The following TMEM120B variants were observed in gnomAD, a reference collection of about 807,000 sequenced individuals.
TMEM120B encodes transmembrane protein 120B.
Under a neutral mutation model 55.5 loss-of-function variants are expected in TMEM120B, and 31 were observed. The ratio of observed to expected loss-of-function variants is 0.56; its 90% CI spans 0.42 to 0.75. The LOEUF (loss-of-function observed/expected upper bound fraction) is 0.75, where lower values mean the gene tolerates loss of function less well. TMEM120B is among the 30% of genes least tolerant of loss of function. The pLI, the probability that TMEM120B is intolerant of heterozygous loss-of-function variation, is 0.00. For synonymous variants in TMEM120B, 203 were observed against 176.3 expected (o/e 1.15, Z -1.20); for missense variants, 399 against 425.5 (o/e 0.94, Z 0.55).
chr12:121,713,839 G>T (rs1894645724), intron 1 of TMEM120B, among the ~76,000 whole-genome samples: 1 of 152,192 alleles, frequency 6.6e-6, no homozygotes, highest in Non-Finnish European at 1.5e-5. Flanking sequence ...TCCCTCTCCA[G>T]TCACGGGATT....
intron 4 of TMEM120B, among the ~76,000 whole-genome samples, chr12:121,750,965 CA>C (rs1873291275): frequency 3.3e-5 from 3 of 90,312 alleles, no homozygotes; most frequent in Admixed American, 1.1e-4. Flanking sequence ...ACACCCACAC[CA>C]CACACCCCAC....
chr12:121,748,590 C>A, intron 3 of TMEM120B, 148 bp downstream of exon 3: 2 of 564,534 alleles, frequency 3.5e-6, no homozygotes, highest in Non-Finnish European at 3.1e-6. Context: ...GCCTTCCTTA[C>A]ACATTCCTCC....
chr12:121,728,522 G>C (rs1894940294), intron 1 of TMEM120B, among the ~76,000 whole-genome samples: 1 of 150,930 alleles, frequency 6.6e-6, no homozygotes, highest in Non-Finnish European at 1.5e-5. Context: ...GTTTCACCAT[G>C]TTGGCCAGGC....
At position 121,775,214 on chromosome 12, in the gene TMEM120B, G is replaced by T; in HGVS notation, c.906+84G>T. On this transcript the variant is annotated intron_variant, in intron 11 of 11. Transcript: ENST00000449592. This position sits in a 1 kb window ranked among gnomAD's most constrained non-coding sequence, Gnocchi z 4.3. ...TGGGGTGTATGTGTGGCATGCTGGG[G>T]TGCGGATTCCTGGGGAGGGCTGGGA... is the stretch of plus-strand genomic sequence containing the variant. The T allele has an allele frequency of 1.5e-6, 2 of 1,352,504 alleles. No homozygotes were observed. The highest frequency in any genetic ancestry group is 2.0e-6 in the Non-Finnish European group (2 of 985,732). 83.8% of individuals were successfully genotyped at this position (1,352,504 alleles called of 1,614,324 possible).
At chr12:121,730,958 CAA>C (rs879265342) in intron 1 of TMEM120B, among the ~76,000 whole-genome samples, 1 of 133,392 alleles carries the variant, frequency 7.5e-6, no homozygotes. Flanking sequence ...AACTCTGTCT[CAA>C]AAAAAAAAAA....
At chr12:121,738,274 C>T (rs1016972145) in intron 1 of TMEM120B, among the ~76,000 whole-genome samples, 1 of 151,920 alleles carries the variant, frequency 6.6e-6, no homozygotes, top group African/African-American at 2.4e-5. Flanking sequence ...AAAAGCAGAC[C>T]TCAGCCATAG....
rs368348359 is a variant in TMEM120B, at chr12:121,771,552, G to A, written c.679+3G>A. 12 of 1,613,644 alleles carry A rather than the reference G, an allele frequency of 7.4e-6. No homozygotes were observed. The highest frequency in any genetic ancestry group is 9.3e-6 in the Non-Finnish European group (11 of 1,179,746). ...CTTAGCATTTTCCATTTTTCAGAGT[G>A]AGTGACTGTTGCCTGGATTTGGGGG... On this transcript the variant is annotated splice_donor_region_variant and intron_variant, in intron 8 of 11. Transcript: ENST00000449592.
chr12:121,771,664 C>T lies in TMEM120B; in HGVS notation c.679+115C>T, dbSNP rs929949855. ...TTGCCTGTGTGGCAGGGAGACCAGA[C>T]TGGGGGAGAGGGTCCCAGAAATCCA... On this transcript the variant is annotated intron_variant, in intron 8 of 11. Coordinates refer to ENST00000449592, the MANE Select transcript of TMEM120B (RefSeq NM_001080825.2). 9.1e-6 allele frequency: 10 copies of T among 1,097,414 alleles called. No individual in the cohort carries two copies. The African/African-American group carries it at 1.5e-4, about 17-fold the overall frequency. The allele number at this position is 1,097,414 out of a possible 1,614,324, so 68.0% of individuals were successfully genotyped here. A position where few individuals can be genotyped will look rare whatever the true frequency, so the allele number is the denominator to read the frequency against.
intron 3 of TMEM120B, among the ~76,000 whole-genome samples, chr12:121,749,740 C>A (rs950840978): frequency 6.6e-6 from 1 of 151,772 alleles, no homozygotes; most frequent in Non-Finnish European, 1.5e-5. Flanking sequence ...ACCCCTAAAC[C>A]TACTAAAAAT....
Position 121,779,621 on chromosome 12 carries a change from C to T in TMEM120B, c.*3899C>T, listed in dbSNP as rs749084936. On this transcript the variant is annotated 3_prime_UTR_variant, in exon 12 of 12. Transcript: ENST00000449592. Reference sequence around the variant, plus strand: ...TCTCCCGAAACTTGGCGGAACATTCCAGGTAGAGAGCAGCTCGGATCTGTT... The same window carrying T: ...TCTCCCGAAACTTGGCGGAACATTCTAGGTAGAGAGCAGCTCGGATCTGTT... 1.1e-5 allele frequency: 18 copies of T among 1,614,044 alleles called. No individual in the cohort carries two copies. The highest frequency in any genetic ancestry group is 1.5e-5 in the Non-Finnish European group (18 of 1,180,008).
At chr12:121,769,715 C>CGTGTGTGTTGTGTGT (rs113353429) in intron 6 of TMEM120B, among the ~76,000 whole-genome samples, 13 of 148,422 alleles carry the variant, frequency 8.8e-5, no homozygotes, top group African/African-American at 3.0e-4. Flanking sequence ...AAAGAGAAAA[C>CGTGTGTGTTGTGTGT]GTGTGTGTGT....
intron 5 of TMEM120B, chr12:121,758,789 G>A (rs561268213): frequency 1.2e-3 from 1,202 of 977,586 alleles, no homozygotes; most frequent in Non-Finnish European, 1.4e-3. Context: ...GGAGGAGGAC[G>A]GCCTAGCCCC....
Position 121,752,750 on chromosome 12 carries a change from C to CA in TMEM120B, c.461+535dup, listed in dbSNP as rs57709175. On this transcript the variant is annotated intron_variant, in intron 5 of 11. Coordinates refer to ENST00000449592, the MANE Select transcript of TMEM120B (RefSeq NM_001080825.2). ...GTGACAGAGTCTTGCTCTGTCACCC[C>CA]AAAAAAAAGGAGTTCACTGTGGTCT... Among the ~76,000 whole-genome samples, 189 of 150,038 alleles carry CA rather than the reference C, an allele frequency of 1.3e-3. No individual in the cohort carries two copies. The East Asian group carries it at 0.033, about 26-fold the overall frequency.
intron 1 of TMEM120B, among the ~76,000 whole-genome samples, chr12:121,716,093 A>G (rs1026472842): frequency 6.6e-6 from 1 of 151,072 alleles, no homozygotes; most frequent in African/African-American, 2.4e-5. Context: ...AGGATTGCCC[A>G]GCAGTTTGAG....
rs770864950 is a variant in TMEM120B at position 121,781,131 on chromosome 12, G to C, written c.*5409G>C. The C allele has an allele frequency of 6.2e-7, 1 of 1,614,254 alleles. No homozygotes were observed. Among genetic ancestry groups the C allele is most frequent in the Admixed American group, 1.7e-5 (1 of 60,028 alleles). ...TGGTGGGATTCATGACGTCATAGCAGATGAGCACGAGGTGGGTGTTCTGGT... is the reference window on the plus strand; with the variant it reads ...TGGTGGGATTCATGACGTCATAGCACATGAGCACGAGGTGGGTGTTCTGGT... On this transcript the variant is annotated 3_prime_UTR_variant, in exon 12 of 12. Transcript: ENST00000449592.
intron 2 of TMEM120B, 135 bp downstream of exon 2, chr12:121,743,882 C>T (rs558273572): frequency 1.5e-6 from 1 of 652,154 alleles, no homozygotes; most frequent in Non-Finnish European, 2.7e-6. Context: ...TCACTGGATC[C>T]AGGAGTCAAA....
At chr12:121,768,366 C>T (rs886134569) in intron 6 of TMEM120B, among the ~76,000 whole-genome samples, 1 of 152,166 alleles carries the variant, frequency 6.6e-6, no homozygotes, top group East Asian at 1.9e-4. Flanking sequence ...AAAACCTTGC[C>T]CCTCAGCATA....
intron 1 of TMEM120B, among the ~76,000 whole-genome samples, chr12:121,741,320 T>G (rs1324559687): frequency 6.6e-6 from 1 of 152,068 alleles, no homozygotes; most frequent in Non-Finnish European, 1.5e-5. Context: ...AGCTTGAAAT[T>G]ATTATTATTA....
chr12:121,758,383 G>C (rs1873547496), intron 5 of TMEM120B: 2 of 985,276 alleles, frequency 2.0e-6, no homozygotes, highest in East Asian at 1.1e-4. Context: ...AGCTGGATCG[G>C]CCCAGCCCCG....
Sources: allele counts gnomAD v4.1 joint callset (sites outside exome capture counted in the v4.1 genomes callset), GRCh38; gene constraint gnomAD v4.1.1; non-coding constraint Gnocchi (gnomAD v3.1); transcripts MANE v1.5; gene names NCBI Gene and HGNC (gene_info 2026-07-23, HGNC 2026-07-21).